Variants in VSIG1 observed in about 807,000 individuals in gnomAD.
VSIG1 encodes V-set and immunoglobulin domain containing 1, also known as V-set and immunoglobulin domain-containing protein 1.
In VSIG1, 11 loss-of-function variants were observed where a neutral mutation model predicts 20.1. The observed-to-expected ratio is 0.55, with a 90% confidence interval of 0.34 to 0.91. The LOEUF (loss-of-function observed/expected upper bound fraction) is 0.91. Ranked by LOEUF, VSIG1 falls within the 40% of genes least tolerant of loss-of-function variation. The probability of loss-of-function intolerance (pLI) is 0.02; values close to 1 mark genes in which losing one functional copy is unlikely to be tolerated. For missense variants in VSIG1, 283 were observed against 298.8 expected (o/e 0.95, Z 0.39); for synonymous variants, 126 against 116.7 (o/e 1.08, Z -0.52).
chrX:108,076,207 C>T lies in VSIG1; in HGVS notation c.819C>T (p.Ile273=), dbSNP rs752313311. The stretch of plus-strand genomic sequence containing the variant: ...CAAAAGAAAGAAATTCTAAGACCAT[C>T]GCGGAACTTGAGTAAGCCTTCATTT... ...AKAKERNSKT[I]AELEPMTKIN... is the part of the protein sequence containing the mutation. The change falls in exon 6 of 7, where the codon ATC becomes ATT. Residue 273 remains isoleucine (I), a synonymous_variant. Transcript: ENST00000217957. 5.8e-6 allele frequency: 7 copies of T among 1,206,668 alleles called. No individual in the cohort carries two copies. The highest frequency in any genetic ancestry group is 5.9e-5 in the East Asian group (2 of 33,741).
the VSIG1 span, among the ~76,000 whole-genome samples, chrX:108,038,617 C>T: frequency 1.8e-5 from 2 of 112,435 alleles, no homozygotes; most frequent in East Asian, 5.6e-4. Context: ...CCCAAATGTC[C>T]ATCAGTGATA....
chrX:108,040,472 T>C (rs2030462071), upstream of VSIG1, among the ~76,000 whole-genome samples: 3 of 112,081 alleles, frequency 2.7e-5, no homozygotes, highest in Admixed American at 1.9e-4. Flanking sequence ...GAGGTATGGT[T>C]TGTAAAGAAC....
At chrX:108,028,697 T>C in the VSIG1 span, among the ~76,000 whole-genome samples, 9 of 111,442 alleles carry the variant, frequency 8.1e-5, no homozygotes, top group African/African-American at 2.6e-4. Flanking sequence ...TAGTTCCCCA[T>C]TGAGCCAAAA....
intron 1 of VSIG1, among the ~76,000 whole-genome samples, chrX:108,049,389 C>T (rs1377411767): frequency 8.9e-6 from 1 of 112,124 alleles, no homozygotes; most frequent in Non-Finnish European, 1.9e-5. Context: ...GAGATTGTGT[C>T]TGTCATGTTC....
chrX:108,032,420 T>C, the VSIG1 span, among the ~76,000 whole-genome samples: 515 of 112,018 alleles, frequency 4.6e-3, 1 homozygote, highest in Non-Finnish European at 7.2e-3. Flanking sequence ...GATGCAGGAA[T>C]GAACATACCA....
At chrX:108,065,432 A>C (rs1034298939) in intron 2 of VSIG1, among the ~76,000 whole-genome samples, 1 of 111,857 alleles carries the variant, frequency 8.9e-6, no homozygotes, top group Non-Finnish European at 1.9e-5. Context: ...TTTTATGAAA[A>C]ATTAGTCTCA....
At chrX:108,072,949 G>A in intron 4 of VSIG1, 117 bp downstream of exon 4, 1 of 781,480 alleles carries the variant, frequency 1.3e-6, no homozygotes, top group Non-Finnish European at 1.8e-6. Flanking sequence ...TCTCAGTGGT[G>A]GCGGGTGGAG....
the VSIG1 span, among the ~76,000 whole-genome samples, chrX:108,039,415 G>A: frequency 1.7e-4 from 19 of 110,681 alleles, no homozygotes; most frequent in East Asian, 5.4e-3. Flanking sequence ...GGCTGTTCTC[G>A]AACTCCTGAC....
chrX:108,064,037 T>C (rs1477718679), intron 2 of VSIG1, among the ~76,000 whole-genome samples: 1 of 112,599 alleles, frequency 8.9e-6, no homozygotes, highest in Non-Finnish European at 1.9e-5. Flanking sequence ...TGTTCAGCTT[T>C]GATTTTTAAA....
At chrX:108,026,868 C>A in the VSIG1 span, among the ~76,000 whole-genome samples, 1 of 111,467 alleles carries the variant, frequency 9.0e-6, no homozygotes, top group African/African-American at 3.3e-5. Context: ...AAACTAGCTG[C>A]GTTAAGATTA....
rs532396276 is a variant in VSIG1 at position 108,068,348 on chromosome X, T to A, written c.412+1214T>A. 4.5e-5 allele frequency among the ~76,000 whole-genome samples: 5 copies of A among 111,042 alleles called. No homozygotes were observed. In the South Asian group the frequency reaches 1.9e-3, roughly 42 times the overall value. On this transcript the variant is annotated intron_variant, in intron 3 of 6. Coordinates refer to ENST00000217957, the MANE Select transcript of VSIG1 (RefSeq NM_182607.5). The stretch of plus-strand genomic sequence containing the variant: ...TTACTCAAGCAAATTCCTGGGAGAG[T>A]TTCTGTTTCAGTTTGGAAGACTAGT...
chrX:108,072,957 G>C, intron 4 of VSIG1, 125 bp downstream of exon 4: 1 of 729,080 alleles, frequency 1.4e-6, no homozygotes. Flanking sequence ...GTGGCGGGTG[G>C]AGGGGGGCGG....
intron 1 of VSIG1, 103 bp from the exon 2 acceptor site, chrX:108,057,935 C>T (rs2030937205): frequency 1.2e-6 from 1 of 844,731 alleles, no homozygotes; most frequent in South Asian, 3.3e-5. Context: ...TTCCCCTCAC[C>T]TTGGATTCCT....
intron 2 of VSIG1, 82 bp from the exon 3 acceptor site, chrX:108,066,854 A>G: frequency 1.1e-6 from 1 of 901,600 alleles, no homozygotes; most frequent in Non-Finnish European, 1.6e-6. Flanking sequence ...ATCAAAGGTA[A>G]TGTGTTTAGA....
At chrX:108,043,464 C>G (rs909244625), upstream of VSIG1, among the ~76,000 whole-genome samples, 1 of 112,006 alleles carries the variant, frequency 8.9e-6, no homozygotes, top group African/African-American at 3.2e-5. Flanking sequence ...TTAATAAATG[C>G]GAAACTACTG....
intron 6 of VSIG1, 61 bp from the exon 7 acceptor site, chrX:108,076,987 C>T: frequency 9.4e-7 from 1 of 1,064,896 alleles, no homozygotes; most frequent in Non-Finnish European, 1.3e-6. Flanking sequence ...TATGGTTTCA[C>T]ATGAAATTTC....
At chrX:108,047,331 A>G (rs2030602672) in intron 1 of VSIG1, among the ~76,000 whole-genome samples, 1 of 112,035 alleles carries the variant, frequency 8.9e-6, no homozygotes, top group African/African-American at 3.2e-5. Context: ...ATGACTTCTT[A>G]GGAATTCTTA....
At chrX:108,062,049 C>A (rs915231927) in intron 2 of VSIG1, among the ~76,000 whole-genome samples, 1 of 110,257 alleles carries the variant, frequency 9.1e-6, no homozygotes, top group Non-Finnish European at 1.9e-5. Context: ...CAGCTGAAAA[C>A]TCTAGGCCAG....
Position 108,078,212 on chromosome X carries a change from G to A in VSIG1, c.*831G>A, listed in dbSNP as rs756332652. 4 of 111,966 alleles carry A rather than the reference G, an allele frequency of 3.6e-5. No homozygotes were observed. Among genetic ancestry groups the A allele is most frequent in the Non-Finnish European group, 7.5e-5 (4 of 53,204 alleles). 9.2% of individuals were successfully genotyped at this position (111,966 alleles called of 1,213,427 possible). Reference sequence around the variant, plus strand: ...AAGGGTATACATTAATTGGTACGTAGCATTTAAAATCAGGTCTTATAATTA... The same window carrying A: ...AAGGGTATACATTAATTGGTACGTAACATTTAAAATCAGGTCTTATAATTA... On this transcript the variant is annotated 3_prime_UTR_variant, in exon 7 of 7. Transcript: ENST00000217957.
Sources: allele counts gnomAD v4.1 joint callset (sites outside exome capture counted in the v4.1 genomes callset), GRCh38; gene constraint gnomAD v4.1.1; transcripts MANE v1.5; gene names NCBI Gene and HGNC (gene_info 2026-07-23, HGNC 2026-07-21).